The following TRIM5 variants were observed in gnomAD, a reference collection of about 807,000 sequenced individuals.
TRIM5 encodes tripartite motif-containing protein 5.
A neutral mutation model predicts 35.6 loss-of-function variants in TRIM5; 31 were observed. That is an observed-to-expected ratio of 0.87 (90% CI 0.65 to 1.18). TRIM5 has a LOEUF of 1.18. Among genes scored for constraint, TRIM5 ranks in the 50% most tolerant of loss-of-function variants. The pLI is 0.00. For missense variants in TRIM5, 609 were observed against 591.6 expected (o/e 1.03, Z -0.31); for synonymous variants, 243 against 215.6 (o/e 1.13, Z -1.11).
Position 5,665,669 on chromosome 11 carries a change from G to A in TRIM5, c.882C>T (p.Val294=), listed in dbSNP as rs1006721701. 3.3e-5 allele frequency: 50 copies of A among 1,527,362 alleles called. No individual in the cohort carries two copies. The highest frequency in any genetic ancestry group is 4.2e-5 in the Non-Finnish European group (48 of 1,146,444). 94.6% of individuals were successfully genotyped at this position (1,527,362 alleles called of 1,614,324 possible). A position where few individuals can be genotyped will look rare whatever the true frequency, so the allele number is the denominator to read the frequency against. ...ACTTCTCCTTACCCCAGTAGCGTCG[G>A]ACATCTGTCAGCTCTGAAATGATAA... ...MLEVFRELTD[V]RRYWVDVTVA... Residue 294 remains valine (V), a synonymous_variant, in exon 7 of 8, where the codon GTC becomes GTT. Coordinates refer to ENST00000380034, the MANE Select transcript of TRIM5 (RefSeq NM_033034.3).
the TRIM5 span, chr11:5,604,783 G>A: frequency 2.8e-6 from 2 of 712,840 alleles, no homozygotes; most frequent in Non-Finnish European, 4.3e-6. Flanking sequence ...CTTCCAAACA[G>A]GGGGAGGAGA....
the TRIM5 span, chr11:5,604,622 C>G: frequency 6.2e-7 from 1 of 1,611,140 alleles, no homozygotes; most frequent in Admixed American, 1.7e-5. Flanking sequence ...AAGAAAACAT[C>G]CTGGAAGGCA....
rs920104223 is a variant in TRIM5 at position 5,663,435 on chromosome 11, G to A, written c.*1374C>T. On this transcript the variant is annotated 3_prime_UTR_variant, in exon 8 of 8. Coordinates refer to ENST00000380034, the MANE Select transcript of TRIM5 (RefSeq NM_033034.3). ...CAGTAGTATCTGAGATCTAAAAAATGAGAATTTAGTAAATCCAATCCTAGT... is the reference window on the plus strand; with the variant it reads ...CAGTAGTATCTGAGATCTAAAAAATAAGAATTTAGTAAATCCAATCCTAGT... 3.0e-6 allele frequency: 3 copies of A among 984,992 alleles called. No individual in the cohort carries two copies. The African/African-American group carries it at 5.2e-5, about 17-fold the overall frequency. The allele number at this position is 984,992 out of a possible 1,614,324, so 61.0% of individuals were successfully genotyped here.
At chr11:5,641,911 T>C in the TRIM5 span, among the ~76,000 whole-genome samples, 1 of 152,126 alleles carries the variant, frequency 6.6e-6, no homozygotes, top group Non-Finnish European at 1.5e-5. Flanking sequence ...ATATGCGCCA[T>C]TCCACTGGAG....
the TRIM5 span, among the ~76,000 whole-genome samples, chr11:5,609,808 A>G: frequency 2.6e-5 from 4 of 152,168 alleles, no homozygotes; most frequent in African/African-American, 9.7e-5. Context: ...CTGTAGTCCC[A>G]GCTACTCAGA....
the TRIM5 span, among the ~76,000 whole-genome samples, chr11:5,658,106 T>C: frequency 3.3e-5 from 5 of 152,078 alleles, no homozygotes; most frequent in Admixed American, 3.3e-4. Flanking sequence ...AAATGTTGCA[T>C]TTTCCAAGAT....
At chr11:5,596,695 A>T in the TRIM5 span, 1 of 759,126 alleles carries the variant, frequency 1.3e-6, no homozygotes, top group Non-Finnish European at 2.1e-6. Context: ...CGTCCGTTCA[A>T]CGGCCAAAGG....
chr11:5,630,908 A>G, the TRIM5 span, among the ~76,000 whole-genome samples: 1 of 152,212 alleles, frequency 6.6e-6, no homozygotes, highest in Non-Finnish European at 1.5e-5. Flanking sequence ...ACGGAAGATA[A>G]TATGTCTTCA....
the TRIM5 span, chr11:5,595,497 T>C: frequency 6.6e-6 from 1 of 152,360 alleles, no homozygotes; most frequent in Admixed American, 6.5e-5. Context: ...AAGGGGCTTT[T>C]ACTCGTATAA....
the TRIM5 span, chr11:5,605,630 T>C: frequency 1.3e-6 from 2 of 1,517,956 alleles, no homozygotes; most frequent in African/African-American, 2.8e-5. Flanking sequence ...CTTTCCTTCC[T>C]TTCTGGGACA....
rs1278753149 is a variant in TRIM5, at chr11:5,665,063, A to G, written c.1228T>C (p.Cys410Arg). Residue 410 changes from cysteine to arginine, a missense_variant, in exon 8 of 8, where the codon TGT becomes CGT. Coordinates refer to ENST00000380034, the MANE Select transcript of TRIM5 (RefSeq NM_033034.3). ...AAGGAACTATCCTGGAAAGCACTAC[A>G]TTTAACTCCTTCCTCTAACCCTATA... ...WVIGLEEGVK[C>R]SAFQDSSFHT... 1 of 1,614,062 alleles carries G rather than the reference A, an allele frequency of 6.2e-7. No homozygotes were observed. The highest frequency in any genetic ancestry group is 8.5e-7 in the Non-Finnish European group (1 of 1,180,054).
At chr11:5,666,272 T>C (rs1212036725) in intron 5 of TRIM5, 191 bp from the exon 6 acceptor site, 1 of 669,448 alleles carries the variant, frequency 1.5e-6, no homozygotes, top group Non-Finnish European at 2.7e-6. Context: ...CCCACTTACT[T>C]TCTGTGAGAA....
chr11:5,603,905 A>C, the TRIM5 span, among the ~76,000 whole-genome samples: 6 of 152,090 alleles, frequency 3.9e-5, no homozygotes, highest in Non-Finnish European at 8.8e-5. Flanking sequence ...TTGCTATTCC[A>C]GATTGAGTAG....
chr11:5,603,599 T>G, the TRIM5 span: 1 of 1,613,768 alleles, frequency 6.2e-7, no homozygotes, highest in South Asian at 1.1e-5. Flanking sequence ...AAAGCAGTTC[T>G]TTGTGCAGAC....
At chr11:5,589,959 G>GC in the TRIM5 span, 8 of 155,144 alleles carry the variant, frequency 5.2e-5, no homozygotes, top group East Asian at 1.3e-3. Flanking sequence ...GGCTTGGCGG[G>GC]CCCCGCACTG....
the TRIM5 span, among the ~76,000 whole-genome samples, chr11:5,602,060 A>G: frequency 6.6e-5 from 10 of 152,262 alleles, no homozygotes; most frequent in African/African-American, 2.4e-4. Context: ...CCGAAGATAC[A>G]ACCATGAACA....
At chr11:5,675,662 CT>C (rs71053292) in intron 4 of TRIM5, among the ~76,000 whole-genome samples, 6,553 of 141,680 alleles carry the variant, frequency 0.046, 333 homozygotes, top group African/African-American at 0.13. Flanking sequence ...TCTTGCATTT[CT>C]TTTTTTTTTT....
the TRIM5 span, chr11:5,634,528 C>CATATATATATATATATATATAT: frequency 9.4e-6 from 5 of 530,378 alleles, no homozygotes; most frequent in African/African-American, 1.2e-4. Flanking sequence ...CACACACACA[C>CATATATATATATATATATATAT]ACATATATAT....
intron 1 of TRIM5, among the ~76,000 whole-genome samples, chr11:5,680,741 A>C: frequency 6.6e-6 from 1 of 152,252 alleles, no homozygotes; most frequent in Non-Finnish European, 1.5e-5. Flanking sequence ...CCTTATGTGC[A>C]GTGTAACAAA....
Sources: allele counts gnomAD v4.1 joint callset (sites outside exome capture counted in the v4.1 genomes callset), GRCh38; gene constraint gnomAD v4.1.1; transcripts MANE v1.5; gene names NCBI Gene and HGNC (gene_info 2026-07-23, HGNC 2026-07-21).